ZNF827: variants seen among roughly 807,000 people sequenced by gnomAD.
ZNF827 encodes the protein zinc finger protein 827.
ZNF827 carries 13 observed loss-of-function variants against 102.4 expected under a neutral mutation model. The observed-to-expected ratio is 0.13, with a 90% CI of 0.08 to 0.20. The LOEUF (loss-of-function observed/expected upper bound fraction) is 0.20. Among genes scored for constraint, ZNF827 ranks in the 10% least tolerant of loss-of-function variants. The pLI is 1.00. For synonymous variants in ZNF827, 523 were observed against 536.2 expected (o/e 0.98, Z 0.34); for missense variants, 1,103 against 1,344.4 (o/e 0.82, Z 2.81).
At chr4:145,774,453 TG>T in intron 11 of ZNF827, 52 bp downstream of exon 11, 1 of 1,567,794 alleles carries the variant, frequency 6.4e-7, no homozygotes, top group Non-Finnish European at 8.7e-7. Flanking sequence ...GCAGGTGCTC[TG>T]GGGTGCAGGG....
chr4:145,776,374 T>C (rs1737088190), intron 9 of ZNF827, among the ~76,000 whole-genome samples: 1 of 151,842 alleles, frequency 6.6e-6, no homozygotes, highest in African/African-American at 2.4e-5. Context: ...GGTGGGAGGA[T>C]TGCTTGAGCC....
chr4:145,905,673 A>G (rs1314915387), intron 1 of ZNF827, among the ~76,000 whole-genome samples: 1 of 152,172 alleles, frequency 6.6e-6, no homozygotes, highest in Non-Finnish European at 1.5e-5. Flanking sequence ...CAATTTCAAC[A>G]ATAGGGCTAA....
intron 7 of ZNF827, among the ~76,000 whole-genome samples, chr4:145,825,349 C>T (rs1203024218): frequency 6.6e-6 from 1 of 152,198 alleles, no homozygotes; most frequent in Non-Finnish European, 1.5e-5. Context: ...TTTGTCCCAA[C>T]AGTAGTGAGG....
chr4:145,814,138 G>T (rs991670476), intron 8 of ZNF827, among the ~76,000 whole-genome samples: 1 of 152,088 alleles, frequency 6.6e-6, no homozygotes, highest in Non-Finnish European at 1.5e-5. Flanking sequence ...TTTTGAATTT[G>T]GGATGCTCAT....
At chr4:145,910,494 T>C (rs1458085014) in intron 1 of ZNF827, among the ~76,000 whole-genome samples, 3 of 152,160 alleles carry the variant, frequency 2.0e-5, no homozygotes, top group Non-Finnish European at 2.9e-5. Flanking sequence ...CGGATTCCGT[T>C]GGTTCTACCT....
At chr4:145,898,182 G>A (rs951331248) in intron 2 of ZNF827, among the ~76,000 whole-genome samples, 2 of 152,046 alleles carry the variant, frequency 1.3e-5, no homozygotes, top group Admixed American at 6.6e-5. Context: ...TAATAACCAC[G>A]GGCCTAATGG....
At chr4:145,827,892 C>A (rs2126523433) in intron 7 of ZNF827, among the ~76,000 whole-genome samples, 1 of 152,310 alleles carries the variant, frequency 6.6e-6, no homozygotes, top group East Asian at 1.9e-4. Context: ...TCCGTAAGTT[C>A]TTTTTCTTCT....
intron 1 of ZNF827, among the ~76,000 whole-genome samples, chr4:145,916,565 T>C (rs1257682728): frequency 1.3e-5 from 2 of 152,172 alleles, no homozygotes; most frequent in African/African-American, 2.4e-5. Context: ...TCTCTCATCG[T>C]CCTTTGGTTT....
Position 145,765,695 on chromosome 4 carries a change from T to C in ZNF827, c.2904A>G (p.Ser968=), listed in dbSNP as rs1282824292. The C allele has an allele frequency of 6.2e-7, 1 of 1,614,104 alleles. No homozygotes were observed. The highest frequency in any genetic ancestry group is 2.2e-5 in the East Asian group (1 of 44,870). ...KTPSESNSPS[S]SSLSALSDSA... The stretch of plus-strand genomic sequence containing the variant: ...AATCACTCAGAGCTGAGAGGGAGGA[T>C]GAAGAGGGGCTATTTGATTCGCTGG... Residue 968 remains serine, a synonymous_variant, in exon 12 of 15, where the codon TCA becomes TCG. Transcript: ENST00000508784. This position sits in a 1 kb window ranked among gnomAD's most constrained non-coding sequence, Gnocchi z 4.7.
At chr4:145,898,394 T>C (rs1261381776) in intron 2 of ZNF827, among the ~76,000 whole-genome samples, 1 of 152,238 alleles carries the variant, frequency 6.6e-6, no homozygotes, top group Admixed American at 6.5e-5. Context: ...ATAAGATGTT[T>C]TGGAGACCCT....
intron 2 of ZNF827, among the ~76,000 whole-genome samples, chr4:145,895,094 A>G (rs2126860903): frequency 6.6e-6 from 1 of 152,334 alleles, no homozygotes; most frequent in African/African-American, 2.4e-5. Context: ...ATGTCCCACT[A>G]TCAAATTCCT....
intron 5 of ZNF827, among the ~76,000 whole-genome samples, chr4:145,851,306 A>G (rs200483720): frequency 1.3e-5 from 2 of 152,110 alleles, no homozygotes; most frequent in African/African-American, 2.4e-5. Flanking sequence ...AGACAGACAG[A>G]CAGGCAGACA....
chr4:145,907,329 G>C, intron 1 of ZNF827: 1 of 402,034 alleles, frequency 2.5e-6, no homozygotes. Flanking sequence ...ACGACAACCT[G>C]CACCTTTCCT....
At chr4:145,785,091 TG>T (rs1385237178) in intron 8 of ZNF827, among the ~76,000 whole-genome samples, 2 of 152,188 alleles carry the variant, frequency 1.3e-5, no homozygotes, top group African/African-American at 2.4e-5. Context: ...AGCAAATAGG[TG>T]TGTAGGATTA....
chr4:145,927,802 C>A (rs774825493), intron 1 of ZNF827, among the ~76,000 whole-genome samples: 7 of 152,236 alleles, frequency 4.6e-5, no homozygotes, highest in Non-Finnish European at 1.0e-4. Flanking sequence ...GTGGGAGAAG[C>A]AGCCCTTCCC....
intron 6 of ZNF827, 146 bp from the exon 7 acceptor site, chr4:145,846,159 C>A: frequency 1.3e-6 from 1 of 758,498 alleles, no homozygotes; most frequent in Non-Finnish European, 2.2e-6. Context: ...CCAGATCCTC[C>A]CCATCTTACT....
At chr4:145,915,649 T>A (rs1752614151) in intron 1 of ZNF827, among the ~76,000 whole-genome samples, 1 of 152,114 alleles carries the variant, frequency 6.6e-6, no homozygotes, top group Non-Finnish European at 1.5e-5. Flanking sequence ...CTCCAAAAAT[T>A]CATGTCCTTC....
chr4:145,930,698 G>T (rs1561090704), intron 1 of ZNF827, among the ~76,000 whole-genome samples: 1 of 152,174 alleles, frequency 6.6e-6, no homozygotes, highest in Non-Finnish European at 1.5e-5. Context: ...TAGGCACACT[G>T]AATTTGCTGC....
At chr4:145,781,437 G>A (rs1738044220) in intron 8 of ZNF827, among the ~76,000 whole-genome samples, 1 of 152,108 alleles carries the variant, frequency 6.6e-6, no homozygotes, top group Non-Finnish European at 1.5e-5. Context: ...ATGGGAGGAG[G>A]GGAAATGATG....
Sources: gnomAD v4.1 joint callset for allele counts (sites outside exome capture counted in the v4.1 genomes callset) on GRCh38, gnomAD v4.1.1 for gene constraint, Gnocchi (gnomAD v3.1) non-coding constraint, MANE v1.5 for transcripts, NCBI Gene and HGNC (gene_info 2026-07-23, HGNC 2026-07-21) for gene names.